ATRN: variants seen among roughly 807,000 people sequenced by gnomAD.
The protein encoded by ATRN is attractin-2.
ATRN carries 54 observed loss-of-function variants against 178.7 expected under a neutral mutation model. The ratio of observed to expected loss-of-function variants is 0.30; its 90% CI spans 0.24 to 0.38. The LOEUF is 0.38. Ranked by LOEUF, ATRN falls within the 10% of genes least tolerant of loss-of-function variation. The pLI, the probability that ATRN is intolerant of heterozygous loss-of-function variation, is 1.00. For synonymous variants in ATRN, 636 were observed against 663.0 expected (o/e 0.96, Z 0.63); for missense variants, 1,443 against 1,815.1 (o/e 0.79, Z 3.73).
At chr20:3,580,519 A>G (rs566217106) in intron 15 of ATRN, among the ~76,000 whole-genome samples, 91 of 152,322 alleles carry the variant, frequency 6.0e-4, no homozygotes, top group African/African-American at 2.1e-3. Flanking sequence ...GAAAAACAAG[A>G]AAGGACACCT....
intron 18 of ATRN, 100 bp downstream of exon 18, chr20:3,584,980 A>G (rs960943962): frequency 2.6e-6 from 3 of 1,138,996 alleles, no homozygotes; most frequent in African/African-American, 3.1e-5. Context: ...CCCTGCCCTC[A>G]GCCCCTTTCC....
chr20:3,518,968 C>T (rs1157313353), intron 1 of ATRN, among the ~76,000 whole-genome samples: 3 of 144,108 alleles, frequency 2.1e-5, no homozygotes, highest in Non-Finnish European at 4.5e-5. Context: ...TCTAACTTTC[C>T]AACTGATAAA....
At chr20:3,484,909 A>AATTATT (rs11470490) in intron 1 of ATRN, among the ~76,000 whole-genome samples, 4,217 of 143,940 alleles carry the variant, frequency 0.029, 124 homozygotes, top group African/African-American at 0.076. Flanking sequence ...TGGATTTTAA[A>AATTATT]ATTATTATTA....
At chr20:3,602,050 A>G (rs1485387080) in intron 23 of ATRN, among the ~76,000 whole-genome samples, 2 of 152,070 alleles carry the variant, frequency 1.3e-5, no homozygotes, top group Non-Finnish European at 2.9e-5. Context: ...CCGTCCTGGC[A>G]GGGCGTGATA....
chr20:3,509,210 A>G (rs238691), intron 1 of ATRN, among the ~76,000 whole-genome samples: 25,588 of 152,126 alleles, frequency 0.17, 2,508 homozygotes, highest in Non-Finnish European at 0.22. Flanking sequence ...AAGTGGGTTT[A>G]GGAAAACCAA....
At chr20:3,644,101 G>A (rs898663402) in intron 27 of ATRN, 53 bp from the exon 28 acceptor site, 11 of 1,326,110 alleles carry the variant, frequency 8.3e-6, no homozygotes, top group South Asian at 1.2e-5. Flanking sequence ...TAAGTTGTCC[G>A]TATACATTAA....
chr20:3,573,826 G>A (rs570837259), intron 12 of ATRN, among the ~76,000 whole-genome samples: 8 of 151,610 alleles, frequency 5.3e-5, no homozygotes, highest in African/African-American at 1.2e-4. Flanking sequence ...GTACAGCAGC[G>A]TGATCTCAGC....
chr20:3,609,292 T>A (rs1447165455), intron 24 of ATRN, among the ~76,000 whole-genome samples: 1 of 152,202 alleles, frequency 6.6e-6, no homozygotes, highest in Non-Finnish European at 1.5e-5. Flanking sequence ...TTTAAAAAAA[T>A]CTATCGAGAA....
chr20:3,614,401 G>T (rs558340541), intron 24 of ATRN, among the ~76,000 whole-genome samples: 18 of 152,334 alleles, frequency 1.2e-4, no homozygotes, highest in African/African-American at 3.8e-4. Flanking sequence ...TGCAACAGAG[G>T]TTGTTACTGT....
chr20:3,550,246 T>G (rs1475034148), intron 6 of ATRN, among the ~76,000 whole-genome samples: 1 of 152,214 alleles, frequency 6.6e-6, no homozygotes, highest in Admixed American at 6.5e-5. Flanking sequence ...GAGAATTGCT[T>G]GAACCTGGGA....
rs774560274 is a variant in ATRN at position 3,497,657 on chromosome 20, G to A, written c.410+26140G>A. 5.9e-3 allele frequency among the ~76,000 whole-genome samples: 901 copies of A among 151,996 alleles called. 19 individuals carry two copies. Among genetic ancestry groups the A allele is most frequent in the Admixed American group, 0.042 (641 of 15,254 alleles). Reference sequence around the variant, plus strand: ...TATGTGTCTTGGAGTTGCTCTTTTCGAGGAGTATCTTTGTGGCGTTCTCTG... The same window carrying A: ...TATGTGTCTTGGAGTTGCTCTTTTCAAGGAGTATCTTTGTGGCGTTCTCTG... On this transcript the variant is annotated intron_variant, in intron 1 of 28. Transcript: ENST00000262919.
chr20:3,550,465 A>G (rs1250680403), intron 6 of ATRN, among the ~76,000 whole-genome samples: 1 of 152,070 alleles, frequency 6.6e-6, no homozygotes, highest in Non-Finnish European at 1.5e-5. Context: ...CCCAATCTCT[A>G]TTCCCATTGC....
chr20:3,508,878 T>G (rs1222414302), intron 1 of ATRN, among the ~76,000 whole-genome samples: 2 of 152,170 alleles, frequency 1.3e-5, no homozygotes, highest in Non-Finnish European at 2.9e-5. Context: ...CAGGAAATGG[T>G]ATAAGTACTA....
At chr20:3,472,930 A>C (rs1450508589) in intron 1 of ATRN, among the ~76,000 whole-genome samples, 2 of 152,198 alleles carry the variant, frequency 1.3e-5, no homozygotes, top group African/African-American at 4.8e-5. Context: ...GGAATAGCAA[A>C]ATTGTAGACT....
intron 26 of ATRN, among the ~76,000 whole-genome samples, chr20:3,637,939 A>G (rs762737089): frequency 6.6e-5 from 10 of 152,100 alleles, no homozygotes; most frequent in Non-Finnish European, 1.5e-4. Context: ...TTCAGTTCCT[A>G]TCTGCCGTAT....
At chr20:3,516,592 A>G (rs1398965047) in intron 1 of ATRN, among the ~76,000 whole-genome samples, 2 of 152,174 alleles carry the variant, frequency 1.3e-5, no homozygotes, top group African/African-American at 2.4e-5. Flanking sequence ...ACTCAGATGC[A>G]CTTTAATAAT....
At chr20:3,581,590 C>G (rs1176728057) in intron 15 of ATRN, among the ~76,000 whole-genome samples, 1 of 152,086 alleles carries the variant, frequency 6.6e-6, no homozygotes, top group Non-Finnish European at 1.5e-5. Flanking sequence ...ATCTGGAAAT[C>G]CAAAATGCTC....
intron 28 of ATRN, among the ~76,000 whole-genome samples, chr20:3,646,360 A>G (rs1323990629): frequency 6.6e-6 from 1 of 152,180 alleles, no homozygotes; most frequent in African/African-American, 2.4e-5. Flanking sequence ...TCTCATTTAT[A>G]TGTTCCCACC....
chr20:3,500,179 A>T (rs1411672917), intron 1 of ATRN, among the ~76,000 whole-genome samples: 2 of 152,174 alleles, frequency 1.3e-5, no homozygotes, highest in Non-Finnish European at 2.9e-5. Flanking sequence ...AAAAGTCAGG[A>T]AACAACAGGT....
Sources: allele counts gnomAD v4.1 joint callset (sites outside exome capture counted in the v4.1 genomes callset), GRCh38; gene constraint gnomAD v4.1.1; transcripts MANE v1.5; gene names NCBI Gene and HGNC (gene_info 2026-07-23, HGNC 2026-07-21).